The following CLSTN2 variants were observed in gnomAD, a reference collection of about 807,000 sequenced individuals.
CLSTN2 encodes the protein calsyntenin 2.
In CLSTN2, 48 loss-of-function variants were observed where a neutral mutation model predicts 101.2. The observed-to-expected ratio is 0.47, with a 90% CI of 0.38 to 0.60. The LOEUF is 0.60. Among genes scored for constraint, CLSTN2 ranks in the 20% least tolerant of loss-of-function variants. The probability of loss-of-function intolerance (pLI) is 0.00; values close to 1 mark genes in which losing one functional copy is unlikely to be tolerated. For missense variants in CLSTN2, 1,160 were observed against 1,238.2 expected (o/e 0.94, Z 0.95); for synonymous variants, 481 against 463.6 (o/e 1.04, Z -0.48).
At chr3:140,429,641 A>G (rs556997037) in intron 5 of CLSTN2, among the ~76,000 whole-genome samples, 1 of 151,820 alleles carries the variant, frequency 6.6e-6, no homozygotes, top group African/African-American at 2.4e-5. Flanking sequence ...GGGACGAAGG[A>G]CTCCTCGGCA....
intron 1 of CLSTN2, among the ~76,000 whole-genome samples, chr3:140,078,159 C>T (rs1423691732): frequency 6.6e-6 from 1 of 152,172 alleles, no homozygotes; most frequent in Non-Finnish European, 1.5e-5. Context: ...CCTGCACCCT[C>T]TTTTGGATCA....
chr3:140,498,711 C>G (rs1934515674), intron 8 of CLSTN2, among the ~76,000 whole-genome samples: 1 of 152,126 alleles, frequency 6.6e-6, no homozygotes, highest in Non-Finnish European at 1.5e-5. Flanking sequence ...TCTTTTATCC[C>G]CTGGAGTGAC....
chr3:140,063,222 C>T (rs1477486600), intron 1 of CLSTN2, among the ~76,000 whole-genome samples: 1 of 152,124 alleles, frequency 6.6e-6, no homozygotes, highest in African/African-American at 2.4e-5. Flanking sequence ...TTCTATATTG[C>T]TATGAGATTA....
intron 1 of CLSTN2, among the ~76,000 whole-genome samples, chr3:140,050,559 C>A (rs2007971936): frequency 1.3e-5 from 2 of 152,308 alleles, no homozygotes; most frequent in South Asian, 2.1e-4. Flanking sequence ...GTGAGGCCAG[C>A]CCATAGGAAT....
chr3:140,432,577 G>A (rs143480963), intron 5 of CLSTN2, among the ~76,000 whole-genome samples: 79 of 152,250 alleles, frequency 5.2e-4, no homozygotes, highest in African/African-American at 1.7e-3. Context: ...CGTGAATAAC[G>A]ACCTGTTTTG....
chr3:140,111,600 T>C (rs866068882), intron 1 of CLSTN2, among the ~76,000 whole-genome samples: 17 of 152,120 alleles, frequency 1.1e-4, no homozygotes, highest in Admixed American at 3.3e-4. Flanking sequence ...CAGATCTCTT[T>C]CTTCCTGCCC....
chr3:140,093,382 T>C (rs2008814259), intron 1 of CLSTN2, among the ~76,000 whole-genome samples: 1 of 152,140 alleles, frequency 6.6e-6, no homozygotes, highest in African/African-American at 2.4e-5. Context: ...TGCCTTCTTG[T>C]TTCATCCTAC....
intron 1 of CLSTN2, among the ~76,000 whole-genome samples, chr3:140,120,913 C>T (rs2350504): frequency 0.71 from 107,960 of 151,602 alleles, 38,540 homozygotes; most frequent in East Asian, 0.81. Flanking sequence ...ACCCTGGCGG[C>T]CAGGTACACA....
intron 2 of CLSTN2, among the ~76,000 whole-genome samples, chr3:140,351,918 G>A (rs1199591866): frequency 1.3e-5 from 2 of 151,772 alleles, no homozygotes; most frequent in Non-Finnish European, 2.9e-5. Context: ...ACTGATATGT[G>A]TAGATTAGTG....
chr3:140,573,583 T>A lies in CLSTN2; in HGVS notation c.*7330T>A, dbSNP rs1449007386. 2 of 152,212 alleles carry A rather than the reference T, an allele frequency of 1.3e-5. No homozygotes were observed. The highest frequency in any genetic ancestry group is 4.8e-5 in the African/African-American group (2 of 41,450). 9.4% of individuals were successfully genotyped at this position (152,212 alleles called of 1,614,324 possible). A position where few individuals can be genotyped will look rare whatever the true frequency, so the allele number is the denominator to read the frequency against. On this transcript the variant is annotated 3_prime_UTR_variant, in exon 17 of 17. Coordinates refer to ENST00000458420, the MANE Select transcript of CLSTN2 (RefSeq NM_022131.3). ...ACTTGCTGGTACTTTGTCAGTCGTG[T>A]ACACCTAACTGACTCCTCCTACGAG...
At chr3:140,010,996 G>A (rs950122300) in intron 1 of CLSTN2, among the ~76,000 whole-genome samples, 2 of 152,170 alleles carry the variant, frequency 1.3e-5, no homozygotes, top group African/African-American at 2.4e-5. Flanking sequence ...CAGTAGAGGG[G>A]TGGAATCTGA....
chr3:140,249,468 T>C (rs1289519070), intron 2 of CLSTN2, among the ~76,000 whole-genome samples: 1 of 152,134 alleles, frequency 6.6e-6, no homozygotes, highest in Non-Finnish European at 1.5e-5. Context: ...TTGGGGCAGG[T>C]CATGGTTATA....
intron 8 of CLSTN2, among the ~76,000 whole-genome samples, chr3:140,490,316 A>G (rs532757377): frequency 1.2e-4 from 18 of 150,668 alleles, no homozygotes; most frequent in African/African-American, 3.9e-4. Flanking sequence ...ATCCCTTCCT[A>G]TTGGAGTCAG....
intron 8 of CLSTN2, among the ~76,000 whole-genome samples, chr3:140,472,885 T>C (rs61164256): frequency 0.057 from 8,704 of 152,216 alleles, 814 homozygotes; most frequent in African/African-American, 0.2. Context: ...CCCCATGATA[T>C]ATATGGCTTC....
chr3:140,125,186 CTT>C (rs2009409563), intron 1 of CLSTN2, among the ~76,000 whole-genome samples: 1 of 152,048 alleles, frequency 6.6e-6, no homozygotes, highest in Non-Finnish European at 1.5e-5. Context: ...CTTGTCAACT[CTT>C]TTGAGAAAGG....
intron 1 of CLSTN2, among the ~76,000 whole-genome samples, chr3:140,023,190 G>A (rs142759696): frequency 6.6e-6 from 1 of 152,126 alleles, no homozygotes; most frequent in Non-Finnish European, 1.5e-5. Flanking sequence ...GAGAGGAGAG[G>A]TTGTCTTGCA....
At chr3:140,536,225 T>C (rs1935356236) in intron 9 of CLSTN2, among the ~76,000 whole-genome samples, 1 of 152,102 alleles carries the variant, frequency 6.6e-6, no homozygotes, top group African/African-American at 2.4e-5. Flanking sequence ...TTTTAATCTA[T>C]GAAATAAGAG....
chr3:140,299,700 T>C (rs2087040372), intron 2 of CLSTN2, among the ~76,000 whole-genome samples: 1 of 152,230 alleles, frequency 6.6e-6, no homozygotes. Flanking sequence ...TTGTATAAGA[T>C]TGAAAAGTGA....
At chr3:140,232,380 A>AT (rs2086378413) in intron 2 of CLSTN2, among the ~76,000 whole-genome samples, 1 of 151,972 alleles carries the variant, frequency 6.6e-6, no homozygotes, top group Non-Finnish European at 1.5e-5. Context: ...CCTGATCCTC[A>AT]TTCCCTCCTC....
Sources: gnomAD v4.1 joint callset for allele counts (sites outside exome capture counted in the v4.1 genomes callset) on GRCh38, gnomAD v4.1.1 for gene constraint, MANE v1.5 for transcripts, NCBI Gene and HGNC (gene_info 2026-07-23, HGNC 2026-07-21) for gene names.